The following KAZN variants were observed in gnomAD, a reference collection of about 807,000 sequenced individuals.
The protein encoded by KAZN is kazrin.
A neutral mutation model predicts 87.4 loss-of-function variants in KAZN; 40 were observed. The ratio of observed to expected loss-of-function variants is 0.46; its 90% CI spans 0.36 to 0.60. The LOEUF (loss-of-function observed/expected upper bound fraction) is 0.60. Ranked by LOEUF, KAZN falls within the 20% of genes least tolerant of loss-of-function variation. The pLI, the probability that KAZN is intolerant of heterozygous loss-of-function variation, is 0.00. For missense variants in KAZN, 898 were observed against 1,073.9 expected (o/e 0.84, Z 2.29); for synonymous variants, 466 against 458.3 (o/e 1.02, Z -0.22).
chr1:14,832,811 C>T (rs934717781), intron 1 of KAZN, among the ~76,000 whole-genome samples: 1 of 152,014 alleles, frequency 6.6e-6, no homozygotes, highest in African/African-American at 2.4e-5. Flanking sequence ...TGAAAAAAAA[C>T]AAAGGAAGAG....
chr1:14,057,579 C>A (rs974498212), intron 1 of KAZN, among the ~76,000 whole-genome samples: 6 of 152,170 alleles, frequency 3.9e-5, no homozygotes, highest in African/African-American at 1.2e-4. Context: ...CTGATCTGGC[C>A]AACCATTAAA....
At chr1:14,550,725 CT>C (rs1673450267) in intron 2 of KAZN, among the ~76,000 whole-genome samples, 1 of 83,928 alleles carries the variant, frequency 1.2e-5, no homozygotes, top group African/African-American at 3.6e-5. Context: ...CTCTCTCTCT[CT>C]CTCTCTCTCT....
At chr1:14,205,080 G>A (rs1174944313) in intron 2 of KAZN, among the ~76,000 whole-genome samples, 2 of 152,222 alleles carry the variant, frequency 1.3e-5, no homozygotes, top group African/African-American at 4.8e-5. Flanking sequence ...TCTTCATTCA[G>A]GAGGCAGATG....
At chr1:14,582,203 G>A (rs1054858970) in intron 2 of KAZN, among the ~76,000 whole-genome samples, 1 of 152,138 alleles carries the variant, frequency 6.6e-6, no homozygotes, top group African/African-American at 2.4e-5. Flanking sequence ...CATGGAATCT[G>A]TTGACTTTCT....
intron 2 of KAZN, among the ~76,000 whole-genome samples, chr1:14,238,977 T>G (rs899882826): frequency 6.6e-6 from 1 of 152,256 alleles, no homozygotes; most frequent in African/African-American, 2.4e-5. Context: ...TCATTTGTAC[T>G]GGGATTGTGA....
intron 1 of KAZN, among the ~76,000 whole-genome samples, chr1:14,026,982 C>T (rs1338759976): frequency 6.6e-6 from 1 of 152,034 alleles, no homozygotes; most frequent in Non-Finnish European, 1.5e-5. Context: ...AAGCCTGGTC[C>T]AGGAAGAAGC....
chr1:13,906,563 C>G (rs1639445135), intron 1 of KAZN, among the ~76,000 whole-genome samples: 1 of 152,204 alleles, frequency 6.6e-6, no homozygotes, highest in African/African-American at 2.4e-5. Flanking sequence ...TTCTTCTGGC[C>G]TAACTTTGTC....
intron 2 of KAZN, among the ~76,000 whole-genome samples, chr1:14,205,908 C>CAAAAAAAAAAAAAAAA (rs1646733362): frequency 1.3e-4 from 1 of 7,672 alleles, no homozygotes; most frequent in Non-Finnish European, 2.4e-4. Flanking sequence ...AAAAAAAAAG[C>CAAAAAAAAAAAAAAAA]TACCTAATGT....
chr1:14,997,201 TTTCATTTATTTATTTATTTATTTATTTA>T (rs1456848909), intron 2 of KAZN, among the ~76,000 whole-genome samples: 5 of 137,330 alleles, frequency 3.6e-5, no homozygotes, highest in Admixed American at 7.8e-5. Flanking sequence ...TCTTTCTTTC[TTTCATTTATTTATTTATTTATTTATTTA>T]TTTATTTATT....
At chr1:14,564,806 C>G (rs573103283) in intron 2 of KAZN, among the ~76,000 whole-genome samples, 1 of 152,106 alleles carries the variant, frequency 6.6e-6, no homozygotes, top group South Asian at 2.1e-4. Context: ...GAGTGAGACT[C>G]CGTCTCAAAA....
chr1:14,713,359 A>C (rs1642590234), intron 1 of KAZN, among the ~76,000 whole-genome samples: 1 of 152,194 alleles, frequency 6.6e-6, no homozygotes, highest in African/African-American at 2.4e-5. Context: ...CCTGGTAGAC[A>C]CAGGCACCTG....
At chr1:14,569,070 T>A (rs1674704086) in intron 2 of KAZN, among the ~76,000 whole-genome samples, 1 of 152,208 alleles carries the variant, frequency 6.6e-6, no homozygotes, top group African/African-American at 2.4e-5. Context: ...TATTTGCTCA[T>A]GTCCCAGATG....
chr1:14,842,448 C>G (rs1648131208), intron 1 of KAZN, among the ~76,000 whole-genome samples: 1 of 152,214 alleles, frequency 6.6e-6, no homozygotes, highest in Admixed American at 6.5e-5. Flanking sequence ...CAATGTCAGT[C>G]CATGGCACTG....
chr1:15,032,394 A>G (rs532861835), intron 2 of KAZN, among the ~76,000 whole-genome samples: 2 of 151,074 alleles, frequency 1.3e-5, no homozygotes, highest in South Asian at 4.2e-4. Flanking sequence ...GGGTTTCACC[A>G]TGTTAGCCAG....
rs746913844 is a variant in KAZN, at chr1:15,099,906, G to A, written c.1548-1637G>A. On this transcript the variant is annotated intron_variant, in intron 10 of 14. Transcript: ENST00000376030. This position sits in a 1 kb window ranked among gnomAD's most constrained non-coding sequence, Gnocchi z 5.4. ...AGAGGATGCACTGACCAGAGTGACCGACAGACAAGGACGGGCTATCAGCTT... is the reference window on the plus strand; with the variant it reads ...AGAGGATGCACTGACCAGAGTGACCAACAGACAAGGACGGGCTATCAGCTT... Among the ~76,000 whole-genome samples the A allele has an allele frequency of 8.5e-5, 13 of 152,276 alleles. No homozygotes were observed. Among genetic ancestry groups the A allele is most frequent in the East Asian group, 1.9e-4 (1 of 5,184 alleles).
rs60517438 is a variant in KAZN at position 14,868,301 on chromosome 1, A to G, written c.227-92383A>G. ...GCCACTGGAGGGGAACTGTTCTTAGACCCAATGGCTGTCTTTACTACTAAT... is the reference window on the plus strand; with the variant it reads ...GCCACTGGAGGGGAACTGTTCTTAGGCCCAATGGCTGTCTTTACTACTAAT... On this transcript the variant is annotated intron_variant, in intron 1 of 14. Transcript: ENST00000376030. Among the ~76,000 whole-genome samples the G allele has an allele frequency of 3.4e-3, 512 of 152,316 alleles. 3 individuals are homozygous for G. Among genetic ancestry groups the G allele is most frequent in the African/African-American group, 0.012 (485 of 41,580 alleles).
chr1:14,260,500 A>T (rs911377156), intron 2 of KAZN, among the ~76,000 whole-genome samples: 1 of 152,136 alleles, frequency 6.6e-6, no homozygotes, highest in African/African-American at 2.4e-5. Flanking sequence ...CCATGGGGAC[A>T]ATAGGAGAGA....
chr1:14,865,000 T>C (rs1020073058), intron 1 of KAZN, among the ~76,000 whole-genome samples: 10 of 152,100 alleles, frequency 6.6e-5, no homozygotes, highest in Non-Finnish European at 1.3e-4. Flanking sequence ...CACCAAAACA[T>C]TGCTTGTTGG....
intron 2 of KAZN, among the ~76,000 whole-genome samples, chr1:14,217,817 A>G (rs1230310109): frequency 1.3e-5 from 2 of 152,132 alleles, no homozygotes; most frequent in East Asian, 3.8e-4. Context: ...ATCACTTATA[A>G]TAGACAATAT....
Sources: gnomAD v4.1 joint callset for allele counts (sites outside exome capture counted in the v4.1 genomes callset) on GRCh38, gnomAD v4.1.1 for gene constraint, Gnocchi (gnomAD v3.1) non-coding constraint, MANE v1.5 for transcripts, NCBI Gene and HGNC (gene_info 2026-07-23, HGNC 2026-07-21) for gene names.